The following CELF6 variants were observed in gnomAD, a reference collection of about 807,000 sequenced individuals.
CELF6 encodes the protein Bruno -like 6, RNA binding protein.
Under a neutral mutation model 53.1 loss-of-function variants are expected in CELF6, and 32 were observed. That is an observed-to-expected ratio of 0.60 (90% CI 0.46 to 0.81). The LOEUF is 0.81. CELF6 is among the 30% of genes least tolerant of loss of function. The pLI is 0.00. For synonymous variants in CELF6, 291 were observed against 288.8 expected (o/e 1.01, Z -0.08); for missense variants, 539 against 669.5 (o/e 0.81, Z 2.15).
At position 72,288,437 on chromosome 15, in the gene CELF6, T is replaced by G; in HGVS notation, c.1189A>C (p.Asn397His). The change falls in exon 11 of 13, where the codon AAC (asparagine) becomes CAC (histidine). Residue 397 changes from asparagine to histidine, a missense_variant. Transcript: ENST00000287202. The surrounding 1 kb of genome is among the most constrained non-coding windows in gnomAD (Gnocchi z 4.6). ...QQQREGPEGC[N>H]LFIYHLPQEF... Reference sequence around the variant, plus strand: ...TGAGGCAGGTGATAGATGAAGAGGTTACAGCCTTCGGGGCCTGGAGGAACA... The same window carrying G: ...TGAGGCAGGTGATAGATGAAGAGGTGACAGCCTTCGGGGCCTGGAGGAACA... 6.2e-7 allele frequency: 1 copy of G among 1,614,176 alleles called. No homozygotes were observed. Among genetic ancestry groups the G allele is most frequent in the Non-Finnish European group, 8.5e-7 (1 of 1,180,040 alleles).
intron 12 of CELF6, among the ~76,000 whole-genome samples, chr15:72,286,984 A>T (rs183304691): frequency 1.8e-4 from 28 of 152,322 alleles, no homozygotes; most frequent in African/African-American, 6.7e-4. Context: ...TCTGGAGTAG[A>T]ACTGCTTCTC....
chr15:72,313,339 G>A (rs1266056599), intron 2 of CELF6, among the ~76,000 whole-genome samples: 1 of 152,240 alleles, frequency 6.6e-6, no homozygotes, highest in East Asian at 1.9e-4. Context: ...GCTCATGCCT[G>A]TAATCCCAGC....
chr15:72,302,017 G>A (rs1056429287), intron 3 of CELF6, among the ~76,000 whole-genome samples: 2 of 152,208 alleles, frequency 1.3e-5, no homozygotes, highest in East Asian at 3.8e-4. Context: ...TTACAGGCGT[G>A]AGCCACTGCT....
rs1425993075 is a variant in CELF6, at chr15:72,286,343, CTGT to C, written c.*29-4_*29-2del. 1 of 152,730 alleles carries C rather than the reference CTGT, an allele frequency of 6.5e-6. No homozygotes were observed. Among genetic ancestry groups the C allele is most frequent in the African/African-American group, 2.4e-5 (1 of 41,454 alleles). 9.5% of individuals were successfully genotyped at this position (152,730 alleles called of 1,614,324 possible). A position where few individuals can be genotyped will look rare whatever the true frequency, so the allele number is the denominator to read the frequency against. The stretch of plus-strand genomic sequence containing the variant: ...CTCCTTTCTTCTCACTCTTCTGTTT[CTGT>C]TGTTGTGTATTAATTGATAAGGAGA... On this transcript the variant is annotated splice_acceptor_variant and splice_polypyrimidine_tract_variant and intron_variant, in intron 12 of 12. Transcript: ENST00000287202. LOFTEE classifies it low-confidence loss of function (3UTR_SPLICE).
chr15:72,315,799 G>A lies in CELF6; in HGVS notation c.345+46C>T, dbSNP rs1337226046. ...TGCTTTGGCATGCACACAGGGCACT[G>A]TCCCCAGCCTGAGGTGATTCCCACC... On this transcript the variant is annotated intron_variant, in intron 2 of 12. Coordinates refer to ENST00000287202, the MANE Select transcript of CELF6 (RefSeq NM_052840.5). The A allele has an allele frequency of 2.9e-6, 4 of 1,361,642 alleles. No individual in the cohort carries two copies. The East Asian group carries it at 9.8e-5, about 33-fold the overall frequency. The allele number at this position is 1,361,642 out of a possible 1,614,324, so 84.3% of individuals were successfully genotyped here. A position where few individuals can be genotyped will look rare whatever the true frequency, so the allele number is the denominator to read the frequency against.
intron 3 of CELF6, among the ~76,000 whole-genome samples, chr15:72,295,930 C>T (rs1327105153): frequency 6.6e-6 from 1 of 152,046 alleles, no homozygotes; most frequent in African/African-American, 2.4e-5. Flanking sequence ...TCAAGGGACT[C>T]CAAATACCCA....
At position 72,306,186 on chromosome 15, in the gene CELF6, G is replaced by A. The variant is rs372592314; in HGVS notation, c.346-1392C>T. The A allele has an allele frequency of 1.1e-4, 106 of 975,612 alleles. No homozygotes were observed. In the East Asian group the frequency reaches 8.7e-3, roughly 80 times the overall value. 60.4% of individuals were successfully genotyped at this position (975,612 alleles called of 1,614,324 possible). On this transcript the variant is annotated intron_variant, in intron 2 of 12. Transcript: ENST00000287202. The stretch of plus-strand genomic sequence containing the variant: ...GGGGATCACATGAGGTAATGGGGAC[G>A]CAAAAGGTCTTTGTAAACTGCCAAG...
intron 2 of CELF6, among the ~76,000 whole-genome samples, chr15:72,312,696 G>C (rs1054420095): frequency 5.3e-5 from 8 of 152,142 alleles, no homozygotes; most frequent in African/African-American, 1.9e-4. Context: ...TTCTCTCTGG[G>C]GGCTGACCTA....
intron 2 of CELF6, among the ~76,000 whole-genome samples, chr15:72,311,535 T>C (rs1255263480): frequency 6.6e-6 from 1 of 151,720 alleles, no homozygotes; most frequent in Non-Finnish European, 1.5e-5. Context: ...CCCGAGTAGC[T>C]GGGACTACAG....
At chr15:72,310,315 C>T (rs1273268785) in intron 2 of CELF6, among the ~76,000 whole-genome samples, 1 of 151,978 alleles carries the variant, frequency 6.6e-6, no homozygotes, top group Non-Finnish European at 1.5e-5. Context: ...TTTTACCTCA[C>T]CCCCCTCCTC....
chr15:72,292,815 G>A (rs944267986), intron 3 of CELF6, among the ~76,000 whole-genome samples: 1 of 152,226 alleles, frequency 6.6e-6, no homozygotes, highest in African/African-American at 2.4e-5. Context: ...ATCACTTGAG[G>A]TCGGGGGTTT....
At chr15:72,306,533 G>A (rs1468483543) in intron 2 of CELF6, among the ~76,000 whole-genome samples, 3 of 149,268 alleles carry the variant, frequency 2.0e-5, no homozygotes, top group African/African-American at 7.6e-5. Flanking sequence ...TTTGGGGGTG[G>A]GAGGGGCAGG....
In CELF6 at chr15:72,287,227, A is replaced by G; in HGVS notation, c.*28+10T>C. On this transcript the variant is annotated intron_variant, in intron 12 of 12. Coordinates refer to ENST00000287202, the MANE Select transcript of CELF6 (RefSeq NM_052840.5). Reference sequence around the variant, plus strand: ...AGGCCTCATCTACCTGGGGTCCATCAGGGACTCACCTTTCTGTGGCTGGTC... The same window carrying G: ...AGGCCTCATCTACCTGGGGTCCATCGGGGACTCACCTTTCTGTGGCTGGTC... 1 of 1,608,296 alleles carries G rather than the reference A, an allele frequency of 6.2e-7. No homozygotes were observed. Among genetic ancestry groups the G allele is most frequent in the Non-Finnish European group, 8.5e-7 (1 of 1,177,182 alleles).
chr15:72,316,074 T>C, intron 1 of CELF6, 147 bp from the exon 2 acceptor site: 1 of 595,100 alleles, frequency 1.7e-6, no homozygotes, highest in African/African-American at 1.9e-5. Flanking sequence ...CTCCCACCTC[T>C]GGAGGGAGGG....
intron 3 of CELF6, among the ~76,000 whole-genome samples, chr15:72,303,167 G>A (rs774680978): frequency 6.6e-6 from 1 of 152,226 alleles, no homozygotes; most frequent in Non-Finnish European, 1.5e-5. Context: ...ATGGTTGTGG[G>A]CAGGGCTTAG....
At position 72,289,427 on chromosome 15, in the gene CELF6, C is replaced by A; in HGVS notation, c.828G>T (p.Met276Ile). 1 of 1,549,876 alleles carries A rather than the reference C, an allele frequency of 6.5e-7. No individual in the cohort carries two copies. The highest frequency in any genetic ancestry group is 1.4e-5 in the African/African-American group (1 of 73,980). Reference protein sequence around the residue: ...LGPVAAVAAQMQHVAAFSLVA... With the variant: ...LGPVAAVAAQIQHVAAFSLVA... The stretch of plus-strand genomic sequence containing the variant: ...CCAGGCTAAAGGCCGCCACGTGTTG[C>A]ATCTGGGCCGCCACTGCCGCCACCG... The change falls in exon 7 of 13, where the codon ATG (methionine) becomes ATT (isoleucine). Residue 276 changes from methionine (M) to isoleucine (I), a missense_variant. By Grantham distance (10) the Met-to-Ile change is conservative (BLOSUM62 1). This residue lies in a region of CELF6 where 358 missense variants were observed against 412.8 expected (regional missense o/e 0.87). Transcript: ENST00000287202. This position sits in a 1 kb window ranked among gnomAD's most constrained non-coding sequence, Gnocchi z 7.6.
intron 3 of CELF6, among the ~76,000 whole-genome samples, chr15:72,294,000 T>A (rs2088042052): frequency 2.0e-5 from 3 of 152,146 alleles, no homozygotes; most frequent in Admixed American, 2.0e-4. Context: ...CAGTCTCAAA[T>A]GCTTTTTGAG....
rs1249491718 is a variant in CELF6 at position 72,286,104 on chromosome 15, C to G, written c.*267G>C. 5.9e-5 allele frequency: 9 copies of G among 152,676 alleles called. No individual in the cohort carries two copies. The highest frequency in any genetic ancestry group is 1.3e-4 in the Non-Finnish European group (9 of 68,078). 9.5% of individuals were successfully genotyped at this position (152,676 alleles called of 1,614,324 possible). A position where few individuals can be genotyped will look rare whatever the true frequency, so the allele number is the denominator to read the frequency against. The stretch of plus-strand genomic sequence containing the variant: ...CTTGCGGAGAAGCCCTTGGCACCCC[C>G]AACGCCCTCTGCTGGTTCCCCTGGA... On this transcript the variant is annotated 3_prime_UTR_variant, in exon 13 of 13. Coordinates refer to ENST00000287202, the MANE Select transcript of CELF6 (RefSeq NM_052840.5).
At chr15:72,314,036 C>T (rs561045160) in intron 2 of CELF6, among the ~76,000 whole-genome samples, 2 of 152,340 alleles carry the variant, frequency 1.3e-5, no homozygotes, top group East Asian at 3.9e-4. Context: ...CCTGGATCCA[C>T]ACCCAGGTCT....
Sources: gnomAD v4.1 joint callset for allele counts (sites outside exome capture counted in the v4.1 genomes callset) on GRCh38, gnomAD v4.1.1 for gene constraint, gnomAD v4.1.1 regional missense constraint, Gnocchi (gnomAD v3.1) non-coding constraint, MANE v1.5 for transcripts, NCBI Gene and HGNC (gene_info 2026-07-23, HGNC 2026-07-21) for gene names.